ENPP6: variants seen among roughly 807,000 people sequenced by gnomAD.
The protein encoded by ENPP6 is ectonucleotide pyrophosphatase/phosphodiesterase 6.
In ENPP6, 32 loss-of-function variants were observed where a neutral mutation model predicts 42.0. That is an observed-to-expected ratio of 0.76 (90% CI 0.58 to 1.02). The LOEUF is 1.02. Ranked by LOEUF, ENPP6 falls within the 50% of genes least tolerant of loss-of-function variation. The pLI, the probability that ENPP6 is intolerant of heterozygous loss-of-function variation, is 0.00. For missense variants in ENPP6, 552 were observed against 566.8 expected, an observed-to-expected ratio of 0.97 and a Z score of 0.27; for synonymous variants, 213 against 216.0, an observed-to-expected ratio of 0.99 and a Z score of 0.12.
At chr4:184,150,074 T>C (rs4862321) in intron 2 of ENPP6, among the ~76,000 whole-genome samples, 45,672 of 152,030 alleles carry the variant, frequency 0.3, 7,668 homozygotes, top group Middle Eastern at 0.39. Context: ...TACTGGGTCA[T>C]ATATACAATT....
At chr4:184,146,858 G>A (rs1215834634) in intron 2 of ENPP6, among the ~76,000 whole-genome samples, 1 of 152,160 alleles carries the variant, frequency 6.6e-6, no homozygotes, top group Non-Finnish European at 1.5e-5. Context: ...GGTGTCCTTT[G>A]CAGGCTCACC....
chr4:184,116,032 G>A (rs559945477), intron 5 of ENPP6, among the ~76,000 whole-genome samples: 1 of 151,636 alleles, frequency 6.6e-6, no homozygotes, highest in Non-Finnish European at 1.5e-5. Context: ...TGGTTAACAT[G>A]GTGAAACCCC....
chr4:184,215,122 A>C (rs1733177607), intron 1 of ENPP6, among the ~76,000 whole-genome samples: 1 of 152,174 alleles, frequency 6.6e-6, no homozygotes, highest in Non-Finnish European at 1.5e-5. Flanking sequence ...GTCTCCAAGC[A>C]AGTTCTCCCA....
Position 184,091,376 on chromosome 4 carries a change from T to C in ENPP6, c.1124A>G (p.Lys375Arg), listed in dbSNP as rs780943450. 2.5e-5 allele frequency: 40 copies of C among 1,600,854 alleles called. No homozygotes were observed. The Middle Eastern group carries it at 8.3e-4, about 33-fold the overall frequency. Residue 375 changes from lysine (K) to arginine (R), a missense_variant, in exon 8 of 8, where the codon AAA becomes AGA. This residue lies in a region of ENPP6 where 545 missense variants were observed against 546.3 expected (regional missense o/e 1.00). Coordinates refer to ENST00000296741, the MANE Select transcript of ENPP6 (RefSeq NM_153343.4). ...GATAGGAGCAGCTCTGAAGTTGGAT[T>C]TGAAATCTGAAAGGGAAAGGCAAAC... ...GIFLAFGPDF[K>R]SNFRAAPIRS...
chr4:184,132,904 C>T (rs186310371), intron 2 of ENPP6, among the ~76,000 whole-genome samples: 123 of 150,618 alleles, frequency 8.2e-4, no homozygotes, highest in African/African-American at 2.8e-3. Flanking sequence ...TATCTTTTAT[C>T]ACTTTGTGGG....
At chr4:184,201,514 TCAC>T (rs1274264679) in intron 1 of ENPP6, among the ~76,000 whole-genome samples, 1 of 152,160 alleles carries the variant, frequency 6.6e-6, no homozygotes, top group Non-Finnish European at 1.5e-5. Flanking sequence ...TCAAAAGCTT[TCAC>T]CACATTTTAC....
intron 7 of ENPP6, among the ~76,000 whole-genome samples, chr4:184,092,050 G>C (rs1735813770): frequency 6.6e-6 from 1 of 152,230 alleles, no homozygotes; most frequent in Non-Finnish European, 1.5e-5. Context: ...TGGTCACAGA[G>C]TGACTGTCTT....
intron 4 of ENPP6, 59 bp downstream of exon 4, chr4:184,117,699 AG>A: frequency 6.3e-7 from 1 of 1,596,514 alleles, no homozygotes; most frequent in African/African-American, 1.3e-5. Context: ...GTGACTGTGG[AG>A]GAGACAAACA....
chr4:184,105,641 C>T (rs1736074499), intron 6 of ENPP6, among the ~76,000 whole-genome samples: 1 of 152,114 alleles, frequency 6.6e-6, no homozygotes, highest in African/African-American at 2.4e-5. Flanking sequence ...TTCCAGATAG[C>T]CACTATTGTT....
chr4:184,153,444 A>T lies in ENPP6; in HGVS notation c.421+110T>A, dbSNP rs1248801988. On this transcript the variant is annotated intron_variant, in intron 2 of 7. Coordinates refer to ENST00000296741, the MANE Select transcript of ENPP6 (RefSeq NM_153343.4). ...CAGCCAATACATATTTCTTAAATAAAGATCCCATTTTCCAAACCACGGCTT... is the reference window on the plus strand; with the variant it reads ...CAGCCAATACATATTTCTTAAATAATGATCCCATTTTCCAAACCACGGCTT... 1.2e-5 allele frequency: 15 copies of T among 1,259,656 alleles called. 1 individual carries two copies. Among genetic ancestry groups the T allele is most frequent in the Admixed American group, 2.7e-5 (1 of 37,556 alleles). The allele number at this position is 1,259,656 out of a possible 1,614,324, so 78.0% of individuals were successfully genotyped here.
chr4:184,152,336 G>T (rs569230152), intron 2 of ENPP6, among the ~76,000 whole-genome samples: 7 of 152,058 alleles, frequency 4.6e-5, no homozygotes, highest in Non-Finnish European at 8.8e-5. Flanking sequence ...GAAGGCCCAC[G>T]CAATCCTTGT....
intron 1 of ENPP6, among the ~76,000 whole-genome samples, chr4:184,190,515 C>A (rs1327616605): frequency 2.6e-5 from 4 of 152,164 alleles, no homozygotes; most frequent in Non-Finnish European, 5.9e-5. Context: ...GCAGGAATTT[C>A]TTTTCTGTTT....
At chr4:184,091,557 G>A (rs1259317759) in intron 7 of ENPP6, among the ~76,000 whole-genome samples, 175 bp from the exon 8 acceptor site, 5 of 152,118 alleles carry the variant, frequency 3.3e-5, no homozygotes, top group Admixed American at 6.5e-5. Flanking sequence ...CCGGAAGGCT[G>A]TAGGTTAGAA....
At position 184,103,047 on chromosome 4, in the gene ENPP6, G is replaced by A. The variant is rs1736032267; in HGVS notation, c.994-5679C>T. 1.3e-5 allele frequency among the ~76,000 whole-genome samples: 2 copies of A among 152,214 alleles called. 1 individual carries two copies. Among genetic ancestry groups the A allele is most frequent in the Admixed American group, 1.3e-4 (2 of 15,288 alleles). ...CCTCATGTCCCTTTGTGTGGCACTG[G>A]GCAAGCAACACGGGCCTCCCTCTTA... On this transcript the variant is annotated intron_variant, in intron 6 of 7. Transcript: ENST00000296741.
chr4:184,209,786 A>G (rs1461079653), intron 1 of ENPP6, among the ~76,000 whole-genome samples: 27 of 146,984 alleles, frequency 1.8e-4, no homozygotes, highest in Non-Finnish European at 8.9e-5. Flanking sequence ...CATAATTGTC[A>G]GATTCACCAA....
At chr4:184,112,575 A>G (rs764456785) in intron 6 of ENPP6, 97 bp downstream of exon 6, 5 of 1,438,586 alleles carry the variant, frequency 3.5e-6, no homozygotes, top group Non-Finnish European at 4.6e-6. Flanking sequence ...AAGTGAAAAA[A>G]TCTTTTATGT....
At chr4:184,125,357 A>G (rs7689305) in intron 2 of ENPP6, among the ~76,000 whole-genome samples, 102,916 of 152,046 alleles carry the variant, frequency 0.68, 35,143 homozygotes, top group African/African-American at 0.73. Flanking sequence ...AGAACTTCTG[A>G]GCAACACTGT....
rs1294149408 is a variant in ENPP6 at position 184,089,799 on chromosome 4, T to A, written c.*1378A>T. 6.6e-6 allele frequency: 1 copy of A among 152,182 alleles called. No individual in the cohort carries two copies. The highest frequency in any genetic ancestry group is 6.5e-5 in the Admixed American group (1 of 15,284). 9.4% of individuals were successfully genotyped at this position (152,182 alleles called of 1,614,324 possible). ...AGCCACCATGCCCAGCCCAAACTCA[T>A]TTTTTAATGCAGTGATAGTGTATGC... On this transcript the variant is annotated 3_prime_UTR_variant, in exon 8 of 8. Transcript: ENST00000296741.
chr4:184,187,113 G>T (rs1212340884), intron 1 of ENPP6, among the ~76,000 whole-genome samples: 1 of 152,114 alleles, frequency 6.6e-6, no homozygotes, highest in Non-Finnish European at 1.5e-5. Context: ...CCATTTGTAA[G>T]GTCTGGCATC....
Sources: allele counts gnomAD v4.1 joint callset (sites outside exome capture counted in the v4.1 genomes callset), GRCh38; gene constraint gnomAD v4.1.1; regional missense constraint gnomAD v4.1.1; transcripts MANE v1.5; gene names NCBI Gene and HGNC (gene_info 2026-07-23, HGNC 2026-07-21).